Variants in SNURF observed in about 807,000 individuals in gnomAD.
SNURF encodes SNRPN upstream open reading frame, also known as SNURF protein.
Under a neutral mutation model 11.6 loss-of-function variants are expected in SNURF, and 6 were observed. The observed-to-expected ratio is 0.52, with a 90% CI of 0.28 to 1.02. The LOEUF (loss-of-function observed/expected upper bound fraction) is 1.02, where lower values mean the gene tolerates loss of function less well. Ranked by LOEUF, SNURF falls within the 50% of genes least tolerant of loss-of-function variation. SNURF has a pLI of 0.09. For synonymous variants in SNURF, 29 were observed against 31.6 expected (o/e 0.92, Z 0.27); for missense variants, 84 against 88.4 (o/e 0.95, Z 0.20).
exon 1 of SNURF, chr15:24,955,046 G>A: frequency 6.2e-7 from 1 of 1,613,320 alleles, no homozygotes; most frequent in Non-Finnish European, 8.5e-7. Flanking sequence ...GGTCAGTGAC[G>A]CGATGGAGCG....
chr15:24,962,044 A>G, intron 1 of SNURF, 70 bp from the exon 2 acceptor site: 1 of 1,249,008 alleles, frequency 8.0e-7, no homozygotes, highest in Non-Finnish European at 1.2e-6. Context: ...TTCTAAATAT[A>G]ACCTTGACAA....
At chr15:24,969,427 C>T (rs2076121741), downstream of SNURF, among the ~76,000 whole-genome samples, 1 of 152,120 alleles carries the variant, frequency 6.6e-6, no homozygotes, top group African/African-American at 2.4e-5. Flanking sequence ...CCGCGCCCGG[C>T]CCATTTTGAG....
chr15:24,967,336 G>C (rs114559317), intron 2 of SNURF: 3,044 of 154,830 alleles, frequency 0.02, 109 homozygotes, highest in African/African-American at 0.069. Context: ...GTCATCCTCT[G>C]ACCCTAAAGA....
At chr15:24,955,164 G>A (rs1216955232) in intron 1 of SNURF, 102 bp downstream of exon 1, 2 of 1,500,724 alleles carry the variant, frequency 1.3e-6, no homozygotes, top group South Asian at 1.2e-5. Flanking sequence ...CTGAATAAAC[G>A]GAATTTGGGC....
At chr15:24,978,654 G>A (rs1477433452), downstream of SNURF, 9 of 591,158 alleles carry the variant, frequency 1.5e-5, no homozygotes, top group Admixed American at 3.1e-5. Context: ...TGAGGGTGAT[G>A]CCTATTAAGC....
intron 1 of SNURF, among the ~76,000 whole-genome samples, chr15:24,960,396 A>T (rs2153456124): frequency 6.6e-6 from 1 of 152,044 alleles, no homozygotes; most frequent in African/African-American, 2.4e-5. Context: ...CTGGTGTGCC[A>T]GTGGCATGAT....
intron 1 of SNURF, 50 bp downstream of exon 1, chr15:24,955,112 C>A: frequency 6.2e-7 from 1 of 1,612,590 alleles, no homozygotes; most frequent in Non-Finnish European, 8.5e-7. Context: ...GGAGCGGCCA[C>A]TTTTATTCAT....
intron 1 of SNURF, among the ~76,000 whole-genome samples, 173 bp downstream of exon 1, chr15:24,955,235 G>A (rs1566948883): frequency 6.6e-6 from 1 of 152,128 alleles, no homozygotes; most frequent in Non-Finnish European, 1.5e-5. Flanking sequence ...CTGTTGTGCC[G>A]TTCTGCCCCG....
At chr15:24,959,261 G>T (rs1444352881) in intron 1 of SNURF, among the ~76,000 whole-genome samples, 2 of 152,128 alleles carry the variant, frequency 1.3e-5, no homozygotes, top group Non-Finnish European at 2.9e-5. Flanking sequence ...GCATGTGTGT[G>T]TGTATCTAGA....
intron 3 of SNURF, chr15:24,974,972 G>GA (rs1320233737): frequency 1.1e-5 from 8 of 702,822 alleles, no homozygotes; most frequent in Non-Finnish European, 2.1e-5. Context: ...GATTACAATA[G>GA]AAATAAAGAG....
chr15:24,967,885 A>C, intron 2 of SNURF, 47 bp from the exon 3 acceptor site: 1 of 1,518,942 alleles, frequency 6.6e-7, no homozygotes, highest in Non-Finnish European at 9.1e-7. Context: ...TTTCCTATAA[A>C]GACAAATGTA....
downstream of SNURF, chr15:24,978,035 T>G (rs1460348483): frequency 8.3e-7 from 1 of 1,212,058 alleles, no homozygotes; most frequent in African/African-American, 1.5e-5. Flanking sequence ...TTCTAGATAC[T>G]GGTTTTTAAT....
At chr15:24,957,323 C>T (rs1156705946) in intron 1 of SNURF, among the ~76,000 whole-genome samples, 1 of 152,054 alleles carries the variant, frequency 6.6e-6, no homozygotes, top group Non-Finnish European at 1.5e-5. Context: ...GTTTTGTGCT[C>T]AAAGAGAATA....
At chr15:24,960,975 TTTTG>T (rs1431694294) in intron 1 of SNURF, among the ~76,000 whole-genome samples, 2 of 152,210 alleles carry the variant, frequency 1.3e-5, no homozygotes, top group African/African-American at 2.4e-5. Context: ...TGGATTTTCT[TTTTG>T]TTTGTTTTGG....
chr15:24,970,382 C>T (rs1226433796), downstream of SNURF, among the ~76,000 whole-genome samples: 3 of 152,128 alleles, frequency 2.0e-5, no homozygotes, highest in East Asian at 3.9e-4. Flanking sequence ...AAGTTCGAGA[C>T]CAACCTGGCC....
chr15:24,968,043 T>C (rs1258488575), exon 3 of SNURF: 4 of 1,613,252 alleles, frequency 2.5e-6, no homozygotes, highest in Non-Finnish European at 8.5e-7. Context: ...GTTAAAGCCA[T>C]ATTGGAGTAG....
At chr15:24,955,281 C>T (rs887114129) in intron 1 of SNURF, among the ~76,000 whole-genome samples, 1 of 152,032 alleles carries the variant, frequency 6.6e-6, no homozygotes, top group Non-Finnish European at 1.5e-5. Flanking sequence ...GGCGCGTCCC[C>T]CATCCGCCCC....
chr15:24,963,813 T>C (rs1217652620), intron 2 of SNURF, among the ~76,000 whole-genome samples: 2 of 151,838 alleles, frequency 1.3e-5, no homozygotes, highest in Non-Finnish European at 2.9e-5. Context: ...CTGAGGTGGA[T>C]CACTTGAGCC....
At chr15:24,961,726 T>A (rs535880510) in intron 1 of SNURF, among the ~76,000 whole-genome samples, 29 of 152,346 alleles carry the variant, frequency 1.9e-4, no homozygotes, top group African/African-American at 6.7e-4. Context: ...TAAAAATATT[T>A]TTTGAAACCA....
Sources: gnomAD v4.1 joint callset for allele counts (sites outside exome capture counted in the v4.1 genomes callset) on GRCh38, gnomAD v4.1.1 for gene constraint, MANE v1.5 for transcripts, NCBI Gene and HGNC (gene_info 2026-07-23, HGNC 2026-07-21) for gene names.